SGIP1: variants seen among roughly 807,000 people sequenced by gnomAD.
SGIP1 encodes SH3GL interacting endocytic adaptor 1.
A neutral mutation model predicts 107.5 loss-of-function variants in SGIP1; 38 were observed. The ratio of observed to expected loss-of-function variants is 0.35; its 90% CI spans 0.27 to 0.46. The LOEUF (loss-of-function observed/expected upper bound fraction) is 0.46, where lower values mean the gene tolerates loss of function less well. Ranked by LOEUF, SGIP1 falls within the 20% of genes least tolerant of loss-of-function variation. SGIP1 has a pLI of 1.00. For missense variants in SGIP1, 929 were observed against 1,019.5 expected (o/e 0.91, Z 1.21); for synonymous variants, 365 against 366.1 (o/e 1.00, Z 0.03).
chr1:66,609,308 G>A (rs537606038), intron 1 of SGIP1, among the ~76,000 whole-genome samples: 69 of 152,232 alleles, frequency 4.5e-4, no homozygotes, highest in African/African-American at 1.6e-3. Flanking sequence ...TCCAACTTCC[G>A]GCAGGTATAG....
chr1:66,674,962 A>G (rs528764007), intron 12 of SGIP1, among the ~76,000 whole-genome samples: 1 of 152,362 alleles, frequency 6.6e-6, no homozygotes, highest in South Asian at 2.1e-4. Context: ...AGGAAACTGT[A>G]CAAAGAACAT....
At chr1:66,729,504 G>C in intron 20 of SGIP1, 85 bp downstream of exon 20, 1 of 1,498,292 alleles carries the variant, frequency 6.7e-7, no homozygotes, top group Non-Finnish European at 9.1e-7. Context: ...TTAGCAACAG[G>C]GTCGCACTAT....
In SGIP1 at chr1:66,660,604, G is replaced by A. The variant is rs551206637; in HGVS notation, c.471+80G>A. ...TTCATTATCTGCATATCTAATGACT[G>A]ACTGTGTTTAACACCTAAACAAGGT... On this transcript the variant is annotated intron_variant, in intron 8 of 24. Coordinates refer to ENST00000371037, the MANE Select transcript of SGIP1 (RefSeq NM_032291.4). 234 of 1,314,526 alleles carry A rather than the reference G, an allele frequency of 1.8e-4. 3 individuals are homozygous for A. In the East Asian group the frequency reaches 3.5e-3, roughly 20 times the overall value. The allele number at this position is 1,314,526 out of a possible 1,614,324, so 81.4% of individuals were successfully genotyped here.
Position 66,673,171 on chromosome 1 carries a change from G to GCA in SGIP1, c.561-100_561-99dup, listed in dbSNP as rs1171240976. The GCA allele has an allele frequency of 2.8e-6, 3 of 1,060,416 alleles. No individual in the cohort carries two copies. The South Asian group carries it at 3.9e-5, about 14-fold the overall frequency. The allele number at this position is 1,060,416 out of a possible 1,614,324, so 65.7% of individuals were successfully genotyped here. ...TATACACATGCATGCATGCACTGGT[G>GCA]CACACACACACTTGTTTCACTAAGA... On this transcript the variant is annotated intron_variant, in intron 11 of 24. Transcript: ENST00000371037.
At chr1:66,681,302 T>A (rs1323140998) in intron 14 of SGIP1, among the ~76,000 whole-genome samples, 1 of 152,212 alleles carries the variant, frequency 6.6e-6, no homozygotes, top group African/African-American at 2.4e-5. Context: ...GTTGAGGATA[T>A]ACAGCTAAAT....
intron 1 of SGIP1, among the ~76,000 whole-genome samples, chr1:66,536,836 G>A (rs542246755): frequency 3.9e-5 from 6 of 152,278 alleles, no homozygotes; most frequent in Non-Finnish European, 7.4e-5. Flanking sequence ...ATTTGCACTC[G>A]TGTGGCTGTA....
At chr1:66,542,551 G>A (rs1380255555) in intron 1 of SGIP1, among the ~76,000 whole-genome samples, 1 of 152,166 alleles carries the variant, frequency 6.6e-6, no homozygotes, top group Non-Finnish European at 1.5e-5. Flanking sequence ...ACTAAGAGCA[G>A]GTAGTGTAGA....
intron 1 of SGIP1, among the ~76,000 whole-genome samples, chr1:66,588,638 CTTTTTTTTTTTT>C (rs35096597): frequency 3.0e-5 from 3 of 98,668 alleles, no homozygotes; most frequent in Non-Finnish European, 6.1e-5. Context: ...CTAGTTAGTT[CTTTTTTTTTTTT>C]TTTTTTTTTG....
chr1:66,599,690 T>C (rs778870100), intron 1 of SGIP1, among the ~76,000 whole-genome samples: 11 of 152,230 alleles, frequency 7.2e-5, no homozygotes, highest in Non-Finnish European at 1.5e-4. Flanking sequence ...GAGGAAAATG[T>C]ACAAAATACT....
intron 17 of SGIP1, among the ~76,000 whole-genome samples, chr1:66,694,168 TCTTC>T (rs2090416486): frequency 1.3e-5 from 2 of 152,112 alleles, no homozygotes. Flanking sequence ...GGGCATGACT[TCTTC>T]CCTGGAGCTG....
intron 1 of SGIP1, among the ~76,000 whole-genome samples, chr1:66,608,903 A>G (rs973736305): frequency 3.3e-5 from 5 of 150,238 alleles, no homozygotes; most frequent in Non-Finnish European, 7.4e-5. Context: ...ATGCTCTTTT[A>G]CAAGTGTAGA....
At chr1:66,597,853 T>C (rs1421437436) in intron 1 of SGIP1, among the ~76,000 whole-genome samples, 1 of 152,200 alleles carries the variant, frequency 6.6e-6, no homozygotes. Flanking sequence ...ATTCACATGC[T>C]TGCTGAATGT....
chr1:66,542,844 C>T (rs138410385), intron 1 of SGIP1, among the ~76,000 whole-genome samples: 110 of 152,218 alleles, frequency 7.2e-4, no homozygotes, highest in African/African-American at 2.6e-3. Context: ...TCAAGGTGAC[C>T]TCCTTACTAG....
At chr1:66,695,188 C>A in intron 17 of SGIP1, 3 of 712,092 alleles carry the variant, frequency 4.2e-6, no homozygotes, top group Middle Eastern at 2.8e-4. Context: ...AAGTATCAAG[C>A]GACCACCAAC....
intron 17 of SGIP1, among the ~76,000 whole-genome samples, chr1:66,693,172 G>A (rs1357239522): frequency 6.6e-6 from 1 of 151,970 alleles, no homozygotes; most frequent in Non-Finnish European, 1.5e-5. Flanking sequence ...GGTAATGCCA[G>A]CTGAGATGGG....
intron 1 of SGIP1, among the ~76,000 whole-genome samples, chr1:66,576,733 C>A (rs956105099): frequency 2.0e-5 from 3 of 152,172 alleles, no homozygotes; most frequent in Non-Finnish European, 4.4e-5. Flanking sequence ...CCTGATCCCT[C>A]CTCTCAGAGT....
At chr1:66,691,139 C>T (rs1425638162) in intron 17 of SGIP1, among the ~76,000 whole-genome samples, 1 of 152,164 alleles carries the variant, frequency 6.6e-6, no homozygotes, top group African/African-American at 2.4e-5. Flanking sequence ...ATCCCCGTTC[C>T]CCATTGTCTT....
At chr1:66,614,303 C>A (rs1255593602) in intron 1 of SGIP1, among the ~76,000 whole-genome samples, 1 of 152,160 alleles carries the variant, frequency 6.6e-6, no homozygotes, top group Admixed American at 6.5e-5. Flanking sequence ...AGCAGGTGTT[C>A]ACTGTAACTT....
At chr1:66,601,233 C>T (rs2065746257) in intron 1 of SGIP1, among the ~76,000 whole-genome samples, 1 of 152,008 alleles carries the variant, frequency 6.6e-6, no homozygotes, top group South Asian at 2.1e-4. Context: ...GGCGTGGTGG[C>T]GGGCGCCTGT....
Sources: gnomAD v4.1 joint callset for allele counts (sites outside exome capture counted in the v4.1 genomes callset) on GRCh38, gnomAD v4.1.1 for gene constraint, MANE v1.5 for transcripts, NCBI Gene and HGNC (gene_info 2026-07-23, HGNC 2026-07-21) for gene names.